Variants in SAFB2 observed in about 807,000 individuals in gnomAD.
The protein encoded by SAFB2 is scaffold attachment factor B2.
Under a neutral mutation model 100.6 loss-of-function variants are expected in SAFB2, and 32 were observed. The ratio of observed to expected loss-of-function variants is 0.32; its 90% CI spans 0.24 to 0.43. The LOEUF (loss-of-function observed/expected upper bound fraction) is 0.43. Ranked by LOEUF, SAFB2 falls within the 20% of genes least tolerant of loss-of-function variation. The pLI is 1.00. For synonymous variants in SAFB2, 500 were observed against 439.4 expected, an observed-to-expected ratio of 1.14 and a Z score of -1.72; for missense variants, 1,185 against 1,163.4, an observed-to-expected ratio of 1.02 and a Z score of -0.27.
intron 1 of SAFB2, among the ~76,000 whole-genome samples, chr19:5,621,621 C>T (rs2053150898): frequency 6.6e-6 from 1 of 152,238 alleles, no homozygotes; most frequent in African/African-American, 2.4e-5. Context: ...TGAGCAGGAG[C>T]TCCAGAATTG....
chr19:5,606,928 T>A (rs1342821155), intron 9 of SAFB2, among the ~76,000 whole-genome samples: 1 of 152,066 alleles, frequency 6.6e-6, no homozygotes, highest in African/African-American at 2.4e-5. Context: ...CCTGGTGAGG[T>A]GAACATGATT....
At position 5,593,748 on chromosome 19, in the gene SAFB2, G is replaced by T. The variant is rs1248348504; in HGVS notation, c.2207+143C>A. 7 of 865,138 alleles carry T rather than the reference G, an allele frequency of 8.1e-6. No homozygotes were observed. The Admixed American group carries it at 2.6e-4, about 32-fold the overall frequency. The allele number at this position is 865,138 out of a possible 1,614,324, so 53.6% of individuals were successfully genotyped here. ...CCTGCAGCAGCGCAGTGAGATCGGC[G>T]GGGGGTCCCCAAGGCGCATGCTCCA... On this transcript the variant is annotated intron_variant, in intron 15 of 20. Coordinates refer to ENST00000252542, the MANE Select transcript of SAFB2 (RefSeq NM_014649.3).
Position 5,590,266 on chromosome 19 carries a change from T to C in SAFB2, c.2525+12A>G. 1.9e-6 allele frequency: 3 copies of C among 1,575,546 alleles called. No individual in the cohort carries two copies. Among genetic ancestry groups the C allele is most frequent in the Non-Finnish European group, 2.6e-6 (3 of 1,161,006 alleles). On this transcript the variant is annotated intron_variant, in intron 18 of 20. Transcript: ENST00000252542. ...CAGATGCTCCCCACCCGGCTGGGGC[T>C]CACCCACTAACCTGGGGGGAGGGGG...
rs1213874845 is a variant in SAFB2, at chr19:5,611,943, A to G, written c.635-313T>C. On this transcript the variant is annotated intron_variant, in intron 6 of 20. Coordinates refer to ENST00000252542, the MANE Select transcript of SAFB2 (RefSeq NM_014649.3). ...GTCTGGGTCTTCTGACTGATTTTCC[A>G]ATGTCCAAGGTGCTGAACCGAATGC... 8.2e-6 allele frequency: 4 copies of G among 487,802 alleles called. 1 individual carries two copies. Among genetic ancestry groups the G allele is most frequent in the African/African-American group, 7.8e-5 (4 of 51,190 alleles). The allele number at this position is 487,802 out of a possible 1,614,324, so 30.2% of individuals were successfully genotyped here.
At chr19:5,599,142 C>T (rs531685763) in intron 12 of SAFB2, among the ~76,000 whole-genome samples, 77 of 152,268 alleles carry the variant, frequency 5.1e-4, no homozygotes, top group Admixed American at 1.0e-3. Flanking sequence ...CTGCAGCACG[C>T]ACACAAGCAC....
chr19:5,596,185 C>A (rs972259779), intron 13 of SAFB2, among the ~76,000 whole-genome samples: 2 of 152,326 alleles, frequency 1.3e-5, no homozygotes, highest in South Asian at 2.1e-4. Context: ...ATCGCTTGAA[C>A]CTGGGAAGCA....
chr19:5,587,274 G>T lies in SAFB2; in HGVS notation c.2831C>A (p.Pro944His). The change falls in exon 21 of 21, where the codon CCC becomes CAC. Residue 944 changes from proline to histidine, a missense_variant. Around this residue, in one of 3 missense-constraint regions of SAFB2, gnomAD observed 740 missense variants for 687.1 expected, o/e 1.08. Transcript: ENST00000252542. The surrounding 1 kb of genome is among the most constrained non-coding windows in gnomAD (Gnocchi z 4.9). ...SRVPHPHPHP[P>H]PYPHFTRRY ...GCGGCGGGTGAAGTGGGGGTACGGGGGGGGATGAGGGTGTGGGTGAGGGAC... is the reference window on the plus strand; with the variant it reads ...GCGGCGGGTGAAGTGGGGGTACGGGTGGGGATGAGGGTGTGGGTGAGGGAC... 1.2e-6 allele frequency: 2 copies of T among 1,613,356 alleles called. No homozygotes were observed. The highest frequency in any genetic ancestry group is 1.7e-6 in the Non-Finnish European group (2 of 1,179,810).
At chr19:5,590,819 A>G (rs1167433005) in intron 17 of SAFB2, among the ~76,000 whole-genome samples, 1 of 152,204 alleles carries the variant, frequency 6.6e-6, no homozygotes, top group African/African-American at 2.4e-5. Context: ...TCCCTGGCCA[A>G]CCAACTCTGC....
chr19:5,598,937 C>G (rs987220558), intron 12 of SAFB2, 53 bp from the exon 13 acceptor site: 34 of 1,542,920 alleles, frequency 2.2e-5, no homozygotes, highest in Non-Finnish European at 2.7e-5. Flanking sequence ...CCCAACTTCC[C>G]GCAGTAAACA....
chr19:5,589,385 A>G (rs2052338314), intron 18 of SAFB2, among the ~76,000 whole-genome samples: 1 of 152,084 alleles, frequency 6.6e-6, no homozygotes, highest in Admixed American at 6.5e-5. Flanking sequence ...CACAGCACCG[A>G]GTCAAAGTCC....
chr19:5,591,727 T>G, intron 17 of SAFB2, 21 bp downstream of exon 17: 1 of 1,611,480 alleles, frequency 6.2e-7, no homozygotes, highest in Non-Finnish European at 8.5e-7. Flanking sequence ...CCCCAGGGCT[T>G]GGCATCGGGG....
At chr19:5,616,643 C>CTTTTTTTT (rs60033130) in intron 2 of SAFB2, among the ~76,000 whole-genome samples, 157 bp from the exon 3 acceptor site, 8 of 72,808 alleles carry the variant, frequency 1.1e-4, no homozygotes, top group African/African-American at 2.3e-4. Flanking sequence ...AATTTGTTTT[C>CTTTTTTTT]TTTTTTTTTT....
intron 11 of SAFB2, among the ~76,000 whole-genome samples, chr19:5,602,479 C>CA (rs35472223): frequency 0.64 from 25,013 of 39,390 alleles, 8,714 homozygotes; most frequent in East Asian, 0.87. Context: ...GACTCTGTCT[C>CA]AAAAAAAAAA....
chr19:5,610,610 G>C, intron 8 of SAFB2, 29 bp downstream of exon 8: 4 of 1,511,752 alleles, frequency 2.6e-6, no homozygotes, highest in Non-Finnish European at 3.6e-6. Context: ...ACCATACCTG[G>C]CTCCCTACCA....
chr19:5,603,192 T>C (rs967125511), intron 11 of SAFB2, among the ~76,000 whole-genome samples: 9 of 152,106 alleles, frequency 5.9e-5, no homozygotes, highest in Non-Finnish European at 1.0e-4. Context: ...CACTTGGGCT[T>C]GGGAAGTCGA....
chr19:5,594,243 CCAAAACTGGGTGTGTATT>C lies in SAFB2; in HGVS notation c.1920-83_1920-66del. 10 of 1,473,440 alleles carry C rather than the reference CCAAAACTGGGTGTGTATT, an allele frequency of 6.8e-6. 1 individual carries two copies. Among genetic ancestry groups the C allele is most frequent in the Non-Finnish European group, 8.9e-6 (10 of 1,119,524 alleles). The allele number at this position is 1,473,440 out of a possible 1,614,324, so 91.3% of individuals were successfully genotyped here. On this transcript the variant is annotated intron_variant, in intron 14 of 20. Coordinates refer to ENST00000252542, the MANE Select transcript of SAFB2 (RefSeq NM_014649.3). ...AGCCTCCAAGGAGAAAGCCCGGTGCCCAAAACTGGGTGTGTATTGGAAGCAGAAAAAAAAAATGGATCC... is the reference window on the plus strand; with the variant it reads ...AGCCTCCAAGGAGAAAGCCCGGTGCCGGAAGCAGAAAAAAAAAATGGATCC...
intron 13 of SAFB2, among the ~76,000 whole-genome samples, chr19:5,597,805 A>T (rs1258177809): frequency 6.6e-6 from 1 of 152,186 alleles, no homozygotes; most frequent in African/African-American, 2.4e-5. Context: ...TTAGGAACTG[A>T]TACTTTATAA....
In SAFB2 at chr19:5,610,066, G is replaced by A. The variant is rs762436484; in HGVS notation, c.1225C>T (p.Leu409=). ...GTGGAGGACAGCCCGCTGACCCACA[G>A]GTTCCGACCAGAACCGCTGCCGACC... ...GRVGSGSGRN[L]WVSGLSSTTR... Residue 409 remains leucine (L), a synonymous_variant, in exon 9 of 21, where the codon CTG becomes TTG. Transcript: ENST00000252542. The A allele has an allele frequency of 1.5e-5, 25 of 1,614,196 alleles. No individual in the cohort carries two copies. The highest frequency in any genetic ancestry group is 2.1e-5 in the Non-Finnish European group (25 of 1,180,026).
At position 5,605,380 on chromosome 19, in the gene SAFB2, C is replaced by T. The variant is rs537927815; in HGVS notation, c.1297-444G>A. On this transcript the variant is annotated intron_variant, in intron 9 of 20. Transcript: ENST00000252542. ...TCGGCCTCCCAAAGTGCTGGGATTA[C>T]AGGCATGAGACACCGCACCCAGCCA... Among the ~76,000 whole-genome samples the T allele has an allele frequency of 2.0e-5, 3 of 152,310 alleles. No individual in the cohort carries two copies. The South Asian group carries it at 6.2e-4, about 32-fold the overall frequency.
Sources: allele counts gnomAD v4.1 joint callset (sites outside exome capture counted in the v4.1 genomes callset), GRCh38; gene constraint gnomAD v4.1.1; regional missense constraint gnomAD v4.1.1; non-coding constraint Gnocchi (gnomAD v3.1); transcripts MANE v1.5; gene names NCBI Gene and HGNC (gene_info 2026-07-23, HGNC 2026-07-21).